MACROD2: variants seen among roughly 807,000 people sequenced by gnomAD.
The protein encoded by MACROD2 is ADP-ribose glycohydrolase MACROD2.
MACROD2 carries 36 observed loss-of-function variants against 70.4 expected under a neutral mutation model. The observed-to-expected ratio is 0.51, with a 90% CI of 0.39 to 0.68. MACROD2 has a LOEUF of 0.68. Among genes scored for constraint, MACROD2 ranks in the 30% least tolerant of loss-of-function variants. The probability of loss-of-function intolerance (pLI) is 0.00; values close to 1 mark genes in which losing one functional copy is unlikely to be tolerated. For missense variants in MACROD2, 496 were observed against 538.4 expected, an observed-to-expected ratio of 0.92 and a Z score of 0.78; for synonymous variants, 172 against 178.8, an observed-to-expected ratio of 0.96 and a Z score of 0.30.
intron 8 of MACROD2, among the ~76,000 whole-genome samples, chr20:15,856,820 C>A (rs1321565616): frequency 6.6e-6 from 1 of 152,062 alleles, no homozygotes; most frequent in Non-Finnish European, 1.5e-5. Flanking sequence ...CATAAAAGAG[C>A]AAATTATTTT....
chr20:14,465,854 T>G (rs1405147533), intron 3 of MACROD2, among the ~76,000 whole-genome samples: 2 of 152,174 alleles, frequency 1.3e-5, no homozygotes, highest in African/African-American at 4.8e-5. Flanking sequence ...GAATGTTGAA[T>G]AGTGGCCCCC....
chr20:14,686,270 T>C (rs2071001191), intron 5 of MACROD2, among the ~76,000 whole-genome samples: 1 of 152,146 alleles, frequency 6.6e-6, no homozygotes, highest in African/African-American at 2.4e-5. Flanking sequence ...CAAAATGAAG[T>C]AATTTGGAGA....
At chr20:15,342,040 C>T (rs111428203) in intron 6 of MACROD2, among the ~76,000 whole-genome samples, 42 of 151,968 alleles carry the variant, frequency 2.8e-4, no homozygotes, top group African/African-American at 8.9e-4. Flanking sequence ...GGCAACAAAG[C>T]GAGACCCTGC....
At chr20:15,108,116 C>T (rs1486437295) in intron 5 of MACROD2, among the ~76,000 whole-genome samples, 4 of 151,884 alleles carry the variant, frequency 2.6e-5, no homozygotes, top group African/African-American at 4.8e-5. Flanking sequence ...ATTCTGCTGC[C>T]TCCCTTCTTA....
intron 5 of MACROD2, among the ~76,000 whole-genome samples, chr20:15,076,174 A>G (rs1478169521): frequency 2.6e-5 from 4 of 152,098 alleles, no homozygotes; most frequent in Non-Finnish European, 4.4e-5. Flanking sequence ...TTTCCTTACC[A>G]TTATATCACC....
intron 2 of MACROD2, among the ~76,000 whole-genome samples, chr20:14,073,192 C>T (rs2053872392): frequency 6.6e-6 from 1 of 151,590 alleles, no homozygotes; most frequent in Non-Finnish European, 1.5e-5. Context: ...AAAAATTAGC[C>T]AGGCATGGTG....
Position 14,038,873 on chromosome 20 carries a change from A to G in MACROD2, c.163+36469A>G, listed in dbSNP as rs141032734. ...TAATTCTGCTTGTTTCCATATTTGCACTTAAGATCTGTTGAACGTTAAAAC... is the reference window on the plus strand; with the variant it reads ...TAATTCTGCTTGTTTCCATATTTGCGCTTAAGATCTGTTGAACGTTAAAAC... On this transcript the variant is annotated intron_variant, in intron 2 of 17. Coordinates refer to ENST00000684519, the MANE Select transcript of MACROD2 (RefSeq NM_001351661.2). Among the ~76,000 whole-genome samples the G allele has an allele frequency of 3.2e-4, 48 of 152,122 alleles. No individual in the cohort carries two copies. In the East Asian group the frequency reaches 4.8e-3, roughly 15 times the overall value.
chr20:15,826,682 A>G (rs191756287), intron 8 of MACROD2, among the ~76,000 whole-genome samples: 5 of 152,362 alleles, frequency 3.3e-5, no homozygotes, highest in Admixed American at 3.3e-4. Flanking sequence ...TGTTTAGTAT[A>G]ATGCGTTATA....
At chr20:14,032,168 GTGTA>G (rs1983398712) in intron 2 of MACROD2, among the ~76,000 whole-genome samples, 1 of 151,774 alleles carries the variant, frequency 6.6e-6, no homozygotes, top group Non-Finnish European at 1.5e-5. Context: ...TTAAATGGCT[GTGTA>G]TGTTTTACTA....
In MACROD2 at chr20:14,272,565, A is replaced by G. The variant is rs374539929; in HGVS notation, c.271+186837A>G. On this transcript the variant is annotated intron_variant, in intron 3 of 17. Transcript: ENST00000684519. ...ATGCCAAATTGTAAAGACCATCGAG[A>G]CTAGGAAGAAACTGCATCAACTAAT... 4.2e-4 allele frequency among the ~76,000 whole-genome samples: 64 copies of G among 152,218 alleles called. No individual in the cohort carries two copies. In the East Asian group the frequency reaches 6.2e-3, roughly 15 times the overall value.
chr20:14,730,250 T>TG (rs1369274363), intron 5 of MACROD2, among the ~76,000 whole-genome samples: 1 of 152,076 alleles, frequency 6.6e-6, no homozygotes, highest in Non-Finnish European at 1.5e-5. Flanking sequence ...CCAGAATTAA[T>TG]GAAAGACATA....
intron 8 of MACROD2, among the ~76,000 whole-genome samples, chr20:15,539,706 A>G (rs893839502): frequency 6.6e-6 from 1 of 152,166 alleles, no homozygotes; most frequent in Non-Finnish European, 1.5e-5. Context: ...AAGGTTCTTG[A>G]GCCGGGCACG....
chr20:14,001,053 T>C (rs1040256585), intron 1 of MACROD2, among the ~76,000 whole-genome samples: 1 of 152,220 alleles, frequency 6.6e-6, no homozygotes, highest in Non-Finnish European at 1.5e-5. Flanking sequence ...AGCATACATA[T>C]TACCTTTTTC....
chr20:15,825,811 C>G (rs192278554), intron 8 of MACROD2, among the ~76,000 whole-genome samples: 81 of 152,124 alleles, frequency 5.3e-4, no homozygotes, highest in African/African-American at 1.7e-3. Flanking sequence ...TTCTTTTTGG[C>G]ATGATGGCTA....
At chr20:15,248,265 C>T (rs74326695) in intron 6 of MACROD2, among the ~76,000 whole-genome samples, 6 of 152,120 alleles carry the variant, frequency 3.9e-5, no homozygotes, top group East Asian at 3.9e-4. Context: ...ATCCTCAAGC[C>T]GTCCTCCCTG....
chr20:14,322,196 ATATATT>A lies in MACROD2; in HGVS notation c.272-171281_272-171276del, dbSNP rs1160607574. 6.7e-5 allele frequency among the ~76,000 whole-genome samples: 9 copies of A among 133,992 alleles called. No homozygotes were observed. In the South Asian group the frequency reaches 1.4e-3, roughly 20 times the overall value. 87.9% of individuals were successfully genotyped at this position (133,992 alleles called of 152,430 possible). A position where few individuals can be genotyped will look rare whatever the true frequency, so the allele number is the denominator to read the frequency against. On this transcript the variant is annotated intron_variant, in intron 3 of 17. Transcript: ENST00000684519. ...TTGAAATATATATATATATATATATATATATTTTGTATTTTGCAAAGCAACTGGATT... is the reference window on the plus strand; with the variant it reads ...TTGAAATATATATATATATATATATATTGTATTTTGCAAAGCAACTGGATT...
chr20:14,183,829 T>C (rs2081324134), intron 3 of MACROD2, among the ~76,000 whole-genome samples: 1 of 152,330 alleles, frequency 6.6e-6, no homozygotes, highest in South Asian at 2.1e-4. Flanking sequence ...GCTGCATATA[T>C]GTCTTCTTCT....
chr20:15,852,637 C>T (rs2064312374), intron 8 of MACROD2, among the ~76,000 whole-genome samples: 1 of 152,194 alleles, frequency 6.6e-6, no homozygotes, highest in South Asian at 2.1e-4. Context: ...TCTCAGAATA[C>T]GGACTCCTAT....
intron 8 of MACROD2, among the ~76,000 whole-genome samples, chr20:15,590,406 T>G (rs2048661406): frequency 6.6e-6 from 1 of 152,204 alleles, no homozygotes; most frequent in Non-Finnish European, 1.5e-5. Flanking sequence ...AGACCCAGCC[T>G]TTAACTCCCT....
Sources: gnomAD v4.1 joint callset for allele counts (sites outside exome capture counted in the v4.1 genomes callset) on GRCh38, gnomAD v4.1.1 for gene constraint, MANE v1.5 for transcripts, NCBI Gene and HGNC (gene_info 2026-07-23, HGNC 2026-07-21) for gene names.